Variants in ADGRB3 observed in about 807,000 individuals in gnomAD.
ADGRB3 encodes the protein brain-specific angiogenesis inhibitor 3.
ADGRB3 carries 37 observed loss-of-function variants against 193.4 expected under a neutral mutation model. The observed-to-expected ratio is 0.19, with a 90% CI of 0.15 to 0.25. The LOEUF is 0.25. Ranked by LOEUF, ADGRB3 falls within the 10% of genes least tolerant of loss-of-function variation. The pLI is 1.00. For missense variants in ADGRB3, 1,637 were observed against 1,852.9 expected, an observed-to-expected ratio of 0.88 and a Z score of 2.14; for synonymous variants, 690 against 644.2, an observed-to-expected ratio of 1.07 and a Z score of -1.08.
At chr6:68,798,817 G>T (rs1250188089) in intron 3 of ADGRB3, among the ~76,000 whole-genome samples, 1 of 152,156 alleles carries the variant, frequency 6.6e-6, no homozygotes, top group Non-Finnish European at 1.5e-5. Flanking sequence ...AGTGGGTTCA[G>T]GCTACTCACA....
intron 17 of ADGRB3, among the ~76,000 whole-genome samples, chr6:69,211,023 G>A (rs1249411383): frequency 6.6e-6 from 1 of 152,194 alleles, no homozygotes; most frequent in African/African-American, 2.4e-5. Flanking sequence ...GCGGGAGGCT[G>A]AGGCAGGAGA....
At chr6:69,051,009 A>G (rs924458925) in intron 15 of ADGRB3, among the ~76,000 whole-genome samples, 3 of 152,138 alleles carry the variant, frequency 2.0e-5, no homozygotes, top group African/African-American at 7.2e-5. Context: ...GGTTATTCCA[A>G]GTTTTATAAA....
intron 24 of ADGRB3, among the ~76,000 whole-genome samples, chr6:69,337,346 C>T (rs1308694651): frequency 6.6e-6 from 1 of 151,934 alleles, no homozygotes; most frequent in Non-Finnish European, 1.5e-5. Flanking sequence ...TAAAGAAATG[C>T]AAATGTTTAG....
Position 68,840,369 on chromosome 6 carries a change from C to CTTTTTTTTTTTTTTT in ADGRB3, c.758-90165_758-90151dup, listed in dbSNP as rs752625602. On this transcript the variant is annotated intron_variant, in intron 3 of 31. Coordinates refer to ENST00000370598, the MANE Select transcript of ADGRB3 (RefSeq NM_001704.3). ...GCAGTGGAGTAAGGCACTGGGCAGT[C>CTTTTTTTTTTTTTTT]TTTTTTTTTTTTTTTTTTTTTTTTT... Among the ~76,000 whole-genome samples the CTTTTTTTTTTTTTTT allele has an allele frequency of 2.7e-4, 19 of 69,428 alleles. 3 individuals are homozygous for CTTTTTTTTTTTTTTT. Among genetic ancestry groups the CTTTTTTTTTTTTTTT allele is most frequent in the Non-Finnish European group, 3.4e-4 (14 of 40,870 alleles). The allele number at this position is 69,428 out of a possible 152,430, so 45.5% of individuals were successfully genotyped here. A position where few individuals can be genotyped will look rare whatever the true frequency, so the allele number is the denominator to read the frequency against.
intron 12 of ADGRB3, 101 bp from the exon 13 acceptor site, chr6:69,018,290 A>T (rs16900417): frequency 4.5e-6 from 3 of 667,416 alleles, no homozygotes; most frequent in African/African-American, 3.6e-5. Flanking sequence ...GAAGTGAAAC[A>T]AAGCTCATTT....
intron 17 of ADGRB3, among the ~76,000 whole-genome samples, chr6:69,128,615 C>T (rs2150333140): frequency 6.6e-6 from 1 of 152,170 alleles, no homozygotes; most frequent in African/African-American, 2.4e-5. Context: ...AGGCTCAAAG[C>T]CAAGCAATCT....
chr6:68,656,794 A>G (rs1768499695), intron 3 of ADGRB3, among the ~76,000 whole-genome samples: 1 of 151,568 alleles, frequency 6.6e-6, no homozygotes, highest in Non-Finnish European at 1.5e-5. Context: ...CCTGCTTTCC[A>G]CTAGTATGAC....
intron 17 of ADGRB3, among the ~76,000 whole-genome samples, chr6:69,084,263 C>T (rs537513031): frequency 6.6e-6 from 1 of 152,138 alleles, no homozygotes; most frequent in South Asian, 2.1e-4. Flanking sequence ...GACATGAAAA[C>T]TAAATATTTT....
At chr6:69,015,822 T>C (rs1770072860) in intron 12 of ADGRB3, among the ~76,000 whole-genome samples, 1 of 151,756 alleles carries the variant, frequency 6.6e-6, no homozygotes, top group Admixed American at 6.6e-5. Flanking sequence ...AGCATCCTAC[T>C]AAAAATGTAG....
At position 69,160,312 on chromosome 6, in the gene ADGRB3, A is replaced by G. The variant is rs370236391; in HGVS notation, c.2481-72978A>G. ...CTTGATATCTCTCCTCCTGCCTTTC[A>G]TCTCTGCCCTCATGTGCTACCTACC... On this transcript the variant is annotated intron_variant, in intron 17 of 31. Coordinates refer to ENST00000370598, the MANE Select transcript of ADGRB3 (RefSeq NM_001704.3). Among the ~76,000 whole-genome samples the G allele has an allele frequency of 1.5e-3, 227 of 152,026 alleles. 1 individual carries two copies. The highest frequency in any genetic ancestry group is 5.3e-3 in the African/African-American group (219 of 41,494).
chr6:68,966,000 T>A (rs1473375580), intron 8 of ADGRB3, among the ~76,000 whole-genome samples: 1 of 152,200 alleles, frequency 6.6e-6, no homozygotes, highest in Admixed American at 6.6e-5. Flanking sequence ...TTTTTTATAA[T>A]ACCTGTATGT....
At chr6:68,964,772 C>T (rs1332237072) in intron 8 of ADGRB3, among the ~76,000 whole-genome samples, 3 of 152,046 alleles carry the variant, frequency 2.0e-5, no homozygotes, top group African/African-American at 7.2e-5. Flanking sequence ...TAACACTGTC[C>T]ACCAGGTACT....
intron 3 of ADGRB3, among the ~76,000 whole-genome samples, chr6:68,833,631 C>A (rs1414050352): frequency 1.3e-5 from 2 of 150,148 alleles, no homozygotes; most frequent in African/African-American, 2.5e-5. Context: ...TTACTGAGAT[C>A]AGTAAACCAA....
At chr6:69,151,559 G>T (rs889497370) in intron 17 of ADGRB3, among the ~76,000 whole-genome samples, 6 of 152,126 alleles carry the variant, frequency 3.9e-5, no homozygotes, top group Non-Finnish European at 7.4e-5. Context: ...ACCAGGCACT[G>T]TGATCACTCA....
intron 20 of ADGRB3, among the ~76,000 whole-genome samples, chr6:69,264,999 C>T (rs1470714808): frequency 6.6e-6 from 1 of 151,860 alleles, no homozygotes; most frequent in Non-Finnish European, 1.5e-5. Context: ...TTCACATGCC[C>T]TGAACCAAGA....
chr6:69,059,231 A>G (rs1771643878), intron 15 of ADGRB3, among the ~76,000 whole-genome samples: 1 of 152,008 alleles, frequency 6.6e-6, no homozygotes, highest in South Asian at 2.1e-4. Flanking sequence ...CTCTTGAAAC[A>G]GTTTTTGACT....
At chr6:69,291,515 C>T (rs1223389880) in intron 20 of ADGRB3, among the ~76,000 whole-genome samples, 2 of 152,146 alleles carry the variant, frequency 1.3e-5, no homozygotes, top group Admixed American at 1.3e-4. Context: ...TTAAGCTTTT[C>T]ATAATTATTA....
At chr6:68,782,343 G>A (rs1010547345) in intron 3 of ADGRB3, among the ~76,000 whole-genome samples, 2 of 151,718 alleles carry the variant, frequency 1.3e-5, no homozygotes, top group African/African-American at 2.4e-5. Flanking sequence ...TGGTGTATAT[G>A]TGCCACATTT....
rs527295277 is a variant in ADGRB3 at position 69,195,123 on chromosome 6, G to C, written c.2481-38167G>C. Among the ~76,000 whole-genome samples the C allele has an allele frequency of 3.9e-5, 6 of 152,212 alleles. No homozygotes were observed. The East Asian group carries it at 1.2e-3, about 29-fold the overall frequency. On this transcript the variant is annotated intron_variant, in intron 17 of 31. Transcript: ENST00000370598. ...GACAAGCTACTTCACTTATCCACTT[G>C]TCACTGAATTCATGTTGGAAATATC...
Sources: gnomAD v4.1 joint callset for allele counts (sites outside exome capture counted in the v4.1 genomes callset) on GRCh38, gnomAD v4.1.1 for gene constraint, MANE v1.5 for transcripts, NCBI Gene and HGNC (gene_info 2026-07-23, HGNC 2026-07-21) for gene names.